The following TXNRD3 variants were observed in gnomAD, a reference collection of about 807,000 sequenced individuals.
TXNRD3 encodes thioredoxin reductase 3.
Under a neutral mutation model 78.2 loss-of-function variants are expected in TXNRD3, and 68 were observed. The observed-to-expected ratio is 0.87, with a 90% CI of 0.72 to 1.06. The LOEUF (loss-of-function observed/expected upper bound fraction) is 1.06, where lower values mean the gene tolerates loss of function less well. Ranked by LOEUF, TXNRD3 falls within the 50% of genes least tolerant of loss-of-function variation. TXNRD3 has a pLI of 0.00. For missense variants in TXNRD3, 751 were observed against 809.5 expected (o/e 0.93, Z 0.88); for synonymous variants, 296 against 300.1 (o/e 0.99, Z 0.14).
At chr3:126,640,273 T>G (rs2107623996) in intron 6 of TXNRD3, among the ~76,000 whole-genome samples, 1 of 44,606 alleles carries the variant, frequency 2.2e-5, no homozygotes, top group African/African-American at 4.8e-5. Flanking sequence ...CCCGGCTAAT[T>G]TTTTGTATTT....
chr3:126,649,132 C>T (rs4627714), intron 1 of TXNRD3, among the ~76,000 whole-genome samples: 1 of 152,084 alleles, frequency 6.6e-6, no homozygotes, highest in Non-Finnish European at 1.5e-5. Context: ...TAGAGAACTC[C>T]TAAAACTCAA....
chr3:126,607,894 C>A lies in TXNRD3; in HGVS notation c.*11G>T. On this transcript the variant is annotated 3_prime_UTR_variant, in exon 16 of 16. Coordinates refer to ENST00000524230, the MANE Select transcript of TXNRD3 (RefSeq NM_052883.3). ...TGAGAATATGACAAGGAGAACTAAA[C>A]AGCAGCAGGCCTAGCCTCAGCAGCC... 1 of 1,501,952 alleles carries A rather than the reference C, an allele frequency of 6.7e-7. No homozygotes were observed. The highest frequency in any genetic ancestry group is 8.9e-7 in the Non-Finnish European group (1 of 1,122,436). 93.0% of individuals were successfully genotyped at this position (1,501,952 alleles called of 1,614,324 possible).
intron 12 of TXNRD3, among the ~76,000 whole-genome samples, chr3:126,615,945 A>T (rs1318352595): frequency 6.6e-6 from 1 of 152,094 alleles, no homozygotes; most frequent in Middle Eastern, 3.2e-3. Flanking sequence ...ACGGTGCTGG[A>T]CTAAGTGTTC....
chr3:126,644,098 C>T, intron 4 of TXNRD3, 45 bp from the exon 5 acceptor site: 1 of 1,519,644 alleles, frequency 6.6e-7, no homozygotes. Flanking sequence ...GATCTTGTCA[C>T]TTTCCTGACA....
At chr3:126,626,215 G>A (rs1034622544) in intron 10 of TXNRD3, among the ~76,000 whole-genome samples, 1 of 152,098 alleles carries the variant, frequency 6.6e-6, no homozygotes, top group Non-Finnish European at 1.5e-5. Flanking sequence ...AGCAAACAAA[G>A]GGATACTTCC....
At chr3:126,642,276 A>G in intron 5 of TXNRD3, 125 bp from the exon 6 acceptor site, 2 of 1,255,758 alleles carry the variant, frequency 1.6e-6, no homozygotes, top group South Asian at 3.5e-5. Context: ...CCCACCCCAA[A>G]ATAAGACACA....
At chr3:126,641,933 A>C in intron 6 of TXNRD3, 99 bp downstream of exon 6, 1 of 1,338,704 alleles carries the variant, frequency 7.5e-7, no homozygotes, top group Non-Finnish European at 9.9e-7. Flanking sequence ...TCATTAAATG[A>C]ATTACGAACT....
At chr3:126,650,172 C>T (rs977937226) in intron 1 of TXNRD3, among the ~76,000 whole-genome samples, 19 of 152,138 alleles carry the variant, frequency 1.2e-4, no homozygotes, top group South Asian at 2.1e-4. Context: ...GTATAGTTTG[C>T]GTTATTATCT....
chr3:126,616,782 C>T (rs557125807), intron 12 of TXNRD3, among the ~76,000 whole-genome samples: 2 of 152,338 alleles, frequency 1.3e-5, no homozygotes, highest in South Asian at 4.1e-4. Context: ...CAAAACACCA[C>T]CACGTATCCC....
intron 12 of TXNRD3, among the ~76,000 whole-genome samples, chr3:126,617,700 C>T (rs1283246603): frequency 6.6e-6 from 1 of 152,216 alleles, no homozygotes; most frequent in African/African-American, 2.4e-5. Flanking sequence ...CAGTCTTATT[C>T]AACACAGTAC....
chr3:126,640,168 G>A (rs868099947), intron 6 of TXNRD3, among the ~76,000 whole-genome samples: 120 of 8,064 alleles, frequency 0.015, 39 homozygotes, highest in Middle Eastern at 0.5. Flanking sequence ...GCAGTGGCGC[G>A]ATCTCGGCTC....
chr3:126,631,995 G>C, intron 7 of TXNRD3, 116 bp from the exon 8 acceptor site: 1 of 666,264 alleles, frequency 1.5e-6, no homozygotes, highest in East Asian at 2.7e-5. Flanking sequence ...GCAGACATGT[G>C]AAAAAGTAAT....
intron 8 of TXNRD3, 85 bp downstream of exon 8, chr3:126,631,679 G>T: frequency 1.2e-6 from 1 of 808,792 alleles, no homozygotes; most frequent in Non-Finnish European, 2.0e-6. Context: ...AATCTTTTGT[G>T]GAATAAGACA....
At chr3:126,624,307 C>T (rs531806468) in intron 10 of TXNRD3, among the ~76,000 whole-genome samples, 1 of 152,192 alleles carries the variant, frequency 6.6e-6, no homozygotes, top group Non-Finnish European at 1.5e-5. Flanking sequence ...ACTCACTCTA[C>T]CTGATCTAAG....
At chr3:126,624,768 A>G in intron 10 of TXNRD3, 1 of 162,690 alleles carries the variant, frequency 6.1e-6, no homozygotes, top group South Asian at 1.6e-4. Context: ...GGTACTGGAT[A>G]TCCACACGGA....
intron 1 of TXNRD3, among the ~76,000 whole-genome samples, chr3:126,652,285 A>G (rs1933409581): frequency 6.6e-6 from 1 of 152,170 alleles, no homozygotes. Context: ...ATGAGAATTC[A>G]CTATCATGAG....
chr3:126,628,155 A>G lies in TXNRD3; in HGVS notation c.1290+1224T>C, dbSNP rs539017290. On this transcript the variant is annotated intron_variant, in intron 10 of 15. Transcript: ENST00000524230. ...TTCTTAAATATACAAAACAACATAA[A>G]CAAAAAGACACTTAGGTAACAAAAA... Among the ~76,000 whole-genome samples, 14 of 152,274 alleles carry G rather than the reference A, an allele frequency of 9.2e-5. No individual in the cohort carries two copies. In the South Asian group the frequency reaches 2.9e-3, roughly 32 times the overall value.
At chr3:126,644,656 A>G (rs767846466) in intron 3 of TXNRD3, among the ~76,000 whole-genome samples, 18 of 152,228 alleles carry the variant, frequency 1.2e-4, no homozygotes, top group Admixed American at 2.6e-4. Flanking sequence ...CAAATAACCT[A>G]GAAGGTTGTG....
At chr3:126,616,438 G>A (rs1938321359) in intron 12 of TXNRD3, among the ~76,000 whole-genome samples, 1 of 152,204 alleles carries the variant, frequency 6.6e-6, no homozygotes, top group Non-Finnish European at 1.5e-5. Context: ...GCAGAAAAAG[G>A]TGGGCTGAGT....
Sources: gnomAD v4.1 joint callset for allele counts (sites outside exome capture counted in the v4.1 genomes callset) on GRCh38, gnomAD v4.1.1 for gene constraint, MANE v1.5 for transcripts, NCBI Gene and HGNC (gene_info 2026-07-23, HGNC 2026-07-21) for gene names.